PPP6R3: variants seen among roughly 807,000 people sequenced by gnomAD.
PPP6R3 encodes protein phosphatase 6 regulatory subunit 3.
Under a neutral mutation model 110.7 loss-of-function variants are expected in PPP6R3, and 38 were observed. The observed-to-expected ratio is 0.34, with a 90% CI of 0.26 to 0.45. The LOEUF (loss-of-function observed/expected upper bound fraction) is 0.45. Ranked by LOEUF, PPP6R3 falls within the 20% of genes least tolerant of loss-of-function variation. The pLI, the probability that PPP6R3 is intolerant of heterozygous loss-of-function variation, is 1.00. For missense variants in PPP6R3, 870 were observed against 1,062.4 expected (o/e 0.82, Z 2.52); for synonymous variants, 369 against 373.5 (o/e 0.99, Z 0.14).
At chr11:68,606,672 A>G (rs1392911679) in intron 22 of PPP6R3, among the ~76,000 whole-genome samples, 3 of 152,184 alleles carry the variant, frequency 2.0e-5, no homozygotes, top group Non-Finnish European at 4.4e-5. Flanking sequence ...CTACAGCAAA[A>G]CTAACACCTA....
At chr11:68,503,654 C>T (rs532532187) in intron 1 of PPP6R3, among the ~76,000 whole-genome samples, 1 of 152,316 alleles carries the variant, frequency 6.6e-6, no homozygotes, top group South Asian at 2.1e-4. Context: ...TGGATTTAGC[C>T]TTGTCTGGAG....
At chr11:68,554,871 T>C (rs2099393377) in intron 7 of PPP6R3, among the ~76,000 whole-genome samples, 1 of 152,238 alleles carries the variant, frequency 6.6e-6, no homozygotes, top group Non-Finnish European at 1.5e-5. Flanking sequence ...TGCATACAGC[T>C]AGCATTGTTA....
chr11:68,580,920 C>T (rs1382011098), intron 14 of PPP6R3, among the ~76,000 whole-genome samples: 5 of 151,762 alleles, frequency 3.3e-5, no homozygotes, highest in South Asian at 2.1e-4. Flanking sequence ...TACAGGCACC[C>T]GCCACCGTGC....
At chr11:68,504,598 G>C (rs2153498799) in intron 1 of PPP6R3, among the ~76,000 whole-genome samples, 1 of 152,282 alleles carries the variant, frequency 6.6e-6, no homozygotes, top group South Asian at 2.1e-4. Flanking sequence ...TGTCAAGAGA[G>C]CATCCCGTTT....
intron 1 of PPP6R3, among the ~76,000 whole-genome samples, chr11:68,461,201 C>T (rs974680655): frequency 6.6e-6 from 1 of 151,320 alleles, no homozygotes; most frequent in East Asian, 1.9e-4. Flanking sequence ...CGCAGTCTCG[C>T]CCCCCGCCCG....
intron 20 of PPP6R3, among the ~76,000 whole-genome samples, chr11:68,600,882 G>C (rs1327652901): frequency 6.6e-6 from 1 of 152,220 alleles, no homozygotes; most frequent in Non-Finnish European, 1.5e-5. Flanking sequence ...GCACCTCTGT[G>C]TGGGGTGTGG....
At chr11:68,551,669 G>A (rs1254043829) in intron 6 of PPP6R3, among the ~76,000 whole-genome samples, 2 of 152,066 alleles carry the variant, frequency 1.3e-5, no homozygotes, top group African/African-American at 4.8e-5. Context: ...TGTATTGTTA[G>A]TAGAGACCGG....
chr11:68,601,327 G>A (rs997596442), intron 20 of PPP6R3, among the ~76,000 whole-genome samples: 3 of 152,166 alleles, frequency 2.0e-5, no homozygotes, highest in Admixed American at 2.0e-4. Context: ...TTGTGGGAAT[G>A]AGGGATAAAA....
intron 1 of PPP6R3, among the ~76,000 whole-genome samples, chr11:68,500,949 C>T (rs2099045435): frequency 6.6e-6 from 1 of 152,210 alleles, no homozygotes; most frequent in East Asian, 1.9e-4. Flanking sequence ...GAAGGCACTT[C>T]CGCCGCCTTC....
intron 1 of PPP6R3, among the ~76,000 whole-genome samples, chr11:68,479,033 G>A (rs1158808261): frequency 6.6e-6 from 1 of 152,160 alleles, no homozygotes; most frequent in Non-Finnish European, 1.5e-5. Context: ...AAGCAAAGGT[G>A]TCACCATCTC....
At chr11:68,596,450 C>T (rs542855024) in intron 19 of PPP6R3, among the ~76,000 whole-genome samples, 3 of 152,294 alleles carry the variant, frequency 2.0e-5, no homozygotes, top group East Asian at 3.9e-4. Flanking sequence ...AGGAAATGAA[C>T]GTCAGCTGTG....
At chr11:68,511,152 C>G (rs1236778148) in intron 1 of PPP6R3, among the ~76,000 whole-genome samples, 1 of 151,352 alleles carries the variant, frequency 6.6e-6, no homozygotes, top group East Asian at 1.9e-4. Context: ...ACTGCAACCT[C>G]TGCCTCCCGG....
At chr11:68,586,966 T>G (rs2099580489) in intron 15 of PPP6R3, 1 of 152,276 alleles carries the variant, frequency 6.6e-6, no homozygotes, top group Non-Finnish European at 1.5e-5. Flanking sequence ...CCTCATGGGC[T>G]CACCCACAGA....
chr11:68,613,359 A>C lies in PPP6R3; in HGVS notation c.*242A>C, dbSNP rs1489110900. 1 of 1,233,778 alleles carries C rather than the reference A, an allele frequency of 8.1e-7. No individual in the cohort carries two copies. The highest frequency in any genetic ancestry group is 1.6e-5 in the African/African-American group (1 of 64,050). 76.4% of individuals were successfully genotyped at this position (1,233,778 alleles called of 1,614,324 possible). ...ATGTTTATATTGTATTGTTCTAAATAATGGGTAGCCTGTGAAATAAGATCT... is the reference window on the plus strand; with the variant it reads ...ATGTTTATATTGTATTGTTCTAAATCATGGGTAGCCTGTGAAATAAGATCT... On this transcript the variant is annotated 3_prime_UTR_variant, in exon 24 of 24. Transcript: ENST00000393800.
chr11:68,574,278 TA>T (rs1303332372), intron 13 of PPP6R3, 54 bp downstream of exon 13: 2 of 1,426,546 alleles, frequency 1.4e-6, no homozygotes, highest in Non-Finnish European at 2.0e-6. Context: ...AGGAAGGATT[TA>T]AGGGTCAAGT....
At chr11:68,491,046 C>T (rs779871151) in intron 1 of PPP6R3, among the ~76,000 whole-genome samples, 2 of 151,892 alleles carry the variant, frequency 1.3e-5, no homozygotes, top group South Asian at 2.1e-4. Context: ...ATTAGCTGGG[C>T]GTGGTGGCAC....
At chr11:68,499,807 G>C (rs2099038772) in intron 1 of PPP6R3, among the ~76,000 whole-genome samples, 2 of 152,016 alleles carry the variant, frequency 1.3e-5, no homozygotes, top group South Asian at 4.1e-4. Flanking sequence ...TCCTGGGTTT[G>C]AGCATTCCTC....
At chr11:68,577,881 C>A (rs1470612546) in intron 14 of PPP6R3, among the ~76,000 whole-genome samples, 5 of 152,182 alleles carry the variant, frequency 3.3e-5, no homozygotes, top group African/African-American at 7.2e-5. Context: ...CAAACAAAAT[C>A]ATAAGTTGGC....
chr11:68,478,984 T>G (rs1277584015), intron 1 of PPP6R3, among the ~76,000 whole-genome samples: 1 of 152,282 alleles, frequency 6.6e-6, no homozygotes, highest in East Asian at 1.9e-4. Context: ...TACAATATTT[T>G]CATATATGAA....
Sources: gnomAD v4.1 joint callset for allele counts (sites outside exome capture counted in the v4.1 genomes callset) on GRCh38, gnomAD v4.1.1 for gene constraint, MANE v1.5 for transcripts, NCBI Gene and HGNC (gene_info 2026-07-23, HGNC 2026-07-21) for gene names.